The following NOS1AP variants were observed in gnomAD, a reference collection of about 807,000 sequenced individuals.
NOS1AP encodes the protein nitric oxide synthase 1 adaptor protein.
In NOS1AP, 21 loss-of-function variants were observed where a neutral mutation model predicts 56.2. The observed-to-expected ratio is 0.37, with a 90% CI of 0.26 to 0.54. NOS1AP has a LOEUF of 0.54. Among genes scored for constraint, NOS1AP ranks in the 20% least tolerant of loss-of-function variants. The pLI, the probability that NOS1AP is intolerant of heterozygous loss-of-function variation, is 0.84. For missense variants in NOS1AP, 522 were observed against 657.8 expected, an observed-to-expected ratio of 0.79 and a Z score of 2.26; for synonymous variants, 270 against 274.6, an observed-to-expected ratio of 0.98 and a Z score of 0.17.
At chr1:162,343,551 T>C (rs965248196) in intron 5 of NOS1AP, among the ~76,000 whole-genome samples, 1 of 152,250 alleles carries the variant, frequency 6.6e-6, no homozygotes, top group African/African-American at 2.4e-5. Context: ...CTGAAGCATA[T>C]TGACTACTTC....
intron 2 of NOS1AP, among the ~76,000 whole-genome samples, chr1:162,230,893 A>G (rs926503992): frequency 1.6e-4 from 25 of 152,162 alleles, no homozygotes; most frequent in African/African-American, 6.0e-4. Context: ...TCATATGTCA[A>G]TGGATTGGCT....
chr1:162,234,536 TC>T (rs2101673134), intron 2 of NOS1AP, among the ~76,000 whole-genome samples: 1 of 152,186 alleles, frequency 6.6e-6, no homozygotes, highest in South Asian at 2.1e-4. Flanking sequence ...TTGCCCAGGG[TC>T]TCTAACTTCT....
Position 162,159,200 on chromosome 1 carries a change from T to C in NOS1AP, c.177+4724T>C, listed in dbSNP as rs552551126. Among the ~76,000 whole-genome samples the C allele has an allele frequency of 6.6e-5, 10 of 152,296 alleles. No homozygotes were observed. The South Asian group carries it at 2.1e-3, about 32-fold the overall frequency. The stretch of plus-strand genomic sequence containing the variant: ...CTGTCGTTTAACTTTTTAGCTTTCC[T>C]GGGAAGGCAGCACTATGTAGTGAAA... On this transcript the variant is annotated intron_variant, in intron 2 of 9. Transcript: ENST00000361897.
intron 2 of NOS1AP, among the ~76,000 whole-genome samples, chr1:162,232,937 G>A (rs1284875395): frequency 6.6e-6 from 1 of 152,142 alleles, no homozygotes; most frequent in African/African-American, 2.4e-5. Context: ...CAGAGGTTTA[G>A]TAACTTGCTG....
intron 1 of NOS1AP, among the ~76,000 whole-genome samples, chr1:162,115,609 G>T (rs987415664): frequency 1.3e-5 from 2 of 152,114 alleles, no homozygotes; most frequent in East Asian, 3.9e-4. Context: ...AGACTCTCAG[G>T]CCCCTTCCCA....
At chr1:162,289,299 T>C (rs1416164982) in intron 3 of NOS1AP, among the ~76,000 whole-genome samples, 1 of 145,082 alleles carries the variant, frequency 6.9e-6, no homozygotes, top group East Asian at 2.1e-4. Flanking sequence ...CCTTCTTCCT[T>C]CTTTCTTTCT....
intron 2 of NOS1AP, among the ~76,000 whole-genome samples, chr1:162,237,169 A>G (rs1653321909): frequency 1.3e-5 from 2 of 152,224 alleles, no homozygotes; most frequent in South Asian, 2.1e-4. Flanking sequence ...CTTCAGGCTG[A>G]AAGTCAAGAT....
chr1:162,307,557 A>C lies in NOS1AP; in HGVS notation c.344+6851A>C, dbSNP rs564160500. 1.7e-3 allele frequency among the ~76,000 whole-genome samples: 256 copies of C among 152,278 alleles called. 2 individuals are homozygous for C. The highest frequency in any genetic ancestry group is 1.7e-3 in the Non-Finnish European group (119 of 68,024). On this transcript the variant is annotated intron_variant, in intron 4 of 9. Transcript: ENST00000361897. ...GGTGGCTCATGCCTGTAATCCCAGC[A>C]CTTTGGGAGGCTGAGGCAGGCGGAT...
chr1:162,293,685 T>G (rs1194219944), intron 3 of NOS1AP, among the ~76,000 whole-genome samples: 1 of 152,214 alleles, frequency 6.6e-6, no homozygotes, highest in Non-Finnish European at 1.5e-5. Context: ...CTTTATTCCC[T>G]TCCTCTGTGG....
At chr1:162,336,772 C>T (rs753307262) in intron 5 of NOS1AP, among the ~76,000 whole-genome samples, 1 of 152,202 alleles carries the variant, frequency 6.6e-6, no homozygotes, top group Non-Finnish European at 1.5e-5. Flanking sequence ...CTCTAGCCAT[C>T]AAATAAGATG....
At chr1:162,076,260 T>C (rs1691765624) in intron 1 of NOS1AP, among the ~76,000 whole-genome samples, 1 of 152,224 alleles carries the variant, frequency 6.6e-6, no homozygotes. Context: ...ACCATGCCCA[T>C]GGCCGTTCCT....
At position 162,266,960 on chromosome 1, in the gene NOS1AP, A is replaced by G. The variant is rs958768153; in HGVS notation, c.178-20384A>G. ...TACAGTTTCTGAAGATAGTATCATC[A>G]TTATGTTATGGTACCAGATCCTCTC... On this transcript the variant is annotated intron_variant, in intron 2 of 9. Transcript: ENST00000361897. 1.1e-4 allele frequency among the ~76,000 whole-genome samples: 16 copies of G among 152,334 alleles called. 1 individual carries two copies. Among genetic ancestry groups the G allele is most frequent in the Middle Eastern group, 6.8e-3 (2 of 294 alleles).
intron 7 of NOS1AP, among the ~76,000 whole-genome samples, chr1:162,355,739 C>T (rs371267454): frequency 2.6e-5 from 4 of 152,116 alleles, no homozygotes; most frequent in East Asian, 1.9e-4. Flanking sequence ...AGTTTGGGCC[C>T]GCTCTGCCTG....
At chr1:162,295,859 G>A (rs1482972244) in intron 3 of NOS1AP, among the ~76,000 whole-genome samples, 1 of 152,210 alleles carries the variant, frequency 6.6e-6, no homozygotes, top group Admixed American at 6.5e-5. Flanking sequence ...CGGCTAACAA[G>A]GAGTGACACC....
chr1:162,234,267 T>G (rs1653216319), intron 2 of NOS1AP, among the ~76,000 whole-genome samples: 1 of 151,966 alleles, frequency 6.6e-6, no homozygotes, highest in South Asian at 2.1e-4. Context: ...TAGCAATGAG[T>G]TGGGAACAAG....
At position 162,088,048 on chromosome 1, in the gene NOS1AP, C is replaced by A. The variant is rs143783831; in HGVS notation, c.105+17766C>A. On this transcript the variant is annotated intron_variant, in intron 1 of 9. Transcript: ENST00000361897. ...GCCAAAAGAGAAGTATTTTGAAAAG[C>A]ATCAGAACTCTATAGGGTCAAATTC... Among the ~76,000 whole-genome samples, 159 of 152,140 alleles carry A rather than the reference C, an allele frequency of 1.0e-3. 1 individual carries two copies. The highest frequency in any genetic ancestry group is 3.7e-3 in the African/African-American group (152 of 41,520).
intron 1 of NOS1AP, among the ~76,000 whole-genome samples, chr1:162,122,509 AT>A (rs35388532): frequency 0.052 from 7,361 of 142,170 alleles, 401 homozygotes; most frequent in African/African-American, 0.15. Context: ...ATGAATCCCC[AT>A]TTTTTTTTTT....
chr1:162,333,683 T>C (rs58985328), intron 5 of NOS1AP, among the ~76,000 whole-genome samples: 2,795 of 152,268 alleles, frequency 0.018, 81 homozygotes, highest in African/African-American at 0.064. Flanking sequence ...TAGCCCTGCC[T>C]CTCACTGGAA....
At chr1:162,086,161 G>A (rs1691996934) in intron 1 of NOS1AP, among the ~76,000 whole-genome samples, 1 of 152,140 alleles carries the variant, frequency 6.6e-6, no homozygotes, top group African/African-American at 2.4e-5. Flanking sequence ...GCAGCTGTTA[G>A]TGGACTAGTC....
Sources: allele counts gnomAD v4.1 joint callset (sites outside exome capture counted in the v4.1 genomes callset), GRCh38; gene constraint gnomAD v4.1.1; transcripts MANE v1.5; gene names NCBI Gene and HGNC (gene_info 2026-07-23, HGNC 2026-07-21).